Variants in VDR observed in about 807,000 individuals in gnomAD.
The protein encoded by VDR is vitamin D3 receptor.
VDR carries 19 observed loss-of-function variants against 39.7 expected under a neutral mutation model. The ratio of observed to expected loss-of-function variants is 0.48; its 90% CI spans 0.33 to 0.70. VDR has a LOEUF of 0.70. Among genes scored for constraint, VDR ranks in the 30% least tolerant of loss-of-function variants. VDR has a pLI of 0.02. For synonymous variants in VDR, 242 were observed against 215.8 expected, an observed-to-expected ratio of 1.12 and a Z score of -1.07; for missense variants, 442 against 570.5, an observed-to-expected ratio of 0.77 and a Z score of 2.29.
intron 1 of VDR, among the ~76,000 whole-genome samples, chr12:47,893,710 C>G (rs1411162990): frequency 6.6e-6 from 1 of 152,212 alleles, no homozygotes; most frequent in African/African-American, 2.4e-5. Flanking sequence ...CTACTCTGTT[C>G]TGGTCAACAA....
chr12:47,853,556 C>T (rs1028486254), intron 7 of VDR, among the ~76,000 whole-genome samples: 10 of 151,982 alleles, frequency 6.6e-5, no homozygotes, highest in Admixed American at 3.9e-4. Flanking sequence ...AGTTCAAGAC[C>T]AGCCTGGCCA....
intron 3 of VDR, among the ~76,000 whole-genome samples, chr12:47,875,749 C>A (rs1196756027): frequency 2.0e-5 from 3 of 152,228 alleles, no homozygotes; most frequent in South Asian, 2.1e-4. Context: ...GAGGTTTCTG[C>A]AAGCCTCTGG....
chr12:47,890,468 G>A (rs1379690787), intron 1 of VDR, among the ~76,000 whole-genome samples: 1 of 151,378 alleles, frequency 6.6e-6, no homozygotes, highest in African/African-American at 2.4e-5. Context: ...GGTCAGGGAG[G>A]AAACGGTTGT....
intron 1 of VDR, among the ~76,000 whole-genome samples, chr12:47,902,344 A>C (rs1237412189): frequency 6.6e-6 from 1 of 152,246 alleles, no homozygotes; most frequent in African/African-American, 2.4e-5. Context: ...CCAGAGTGGC[A>C]GCCAGGCTGG....
chr12:47,845,421 C>G (rs1945261621), intron 9 of VDR, among the ~76,000 whole-genome samples: 1 of 152,058 alleles, frequency 6.6e-6, no homozygotes, highest in Admixed American at 6.5e-5. Context: ...AAGGCCATTC[C>G]TGGCAACACT....
intron 3 of VDR, among the ~76,000 whole-genome samples, chr12:47,867,220 G>T (rs1945755747): frequency 6.6e-6 from 1 of 152,054 alleles, no homozygotes; most frequent in African/African-American, 2.4e-5. Flanking sequence ...CGGGCACGGT[G>T]GCACATGCCT....
intron 1 of VDR, among the ~76,000 whole-genome samples, chr12:47,883,974 G>A (rs780989334): frequency 9.9e-5 from 15 of 152,260 alleles, no homozygotes; most frequent in Admixed American, 2.0e-4. Flanking sequence ...TGGGCAGTGG[G>A]AGGTGTCTGC....
intron 1 of VDR, among the ~76,000 whole-genome samples, chr12:47,887,743 C>T (rs1266690354): frequency 1.3e-5 from 2 of 152,246 alleles, no homozygotes; most frequent in East Asian, 3.8e-4. Flanking sequence ...TGCCACTTGG[C>T]TCTTTCCAGA....
At chr12:47,904,205 T>C (rs1235999476) in intron 1 of VDR, among the ~76,000 whole-genome samples, 1 of 151,814 alleles carries the variant, frequency 6.6e-6, no homozygotes, top group Non-Finnish European at 1.5e-5. Context: ...CAGACTCTGG[T>C]CCCTGGGTGA....
chr12:47,859,865 CTTT>C (rs1945574779), intron 4 of VDR, among the ~76,000 whole-genome samples: 2 of 38,808 alleles, frequency 5.2e-5, no homozygotes, highest in Non-Finnish European at 1.0e-4. Context: ...TTCCTTCCTT[CTTT>C]CCTTCCTTCC....
intron 1 of VDR, among the ~76,000 whole-genome samples, chr12:47,889,384 C>G (rs912203526): frequency 1.3e-5 from 2 of 152,110 alleles, no homozygotes; most frequent in African/African-American, 2.4e-5. Flanking sequence ...CTGATGCAGA[C>G]TGCAGCAGGT....
At chr12:47,866,734 A>G (rs1945743888) in intron 3 of VDR, among the ~76,000 whole-genome samples, 1 of 152,232 alleles carries the variant, frequency 6.6e-6, no homozygotes, top group Admixed American at 6.5e-5. Flanking sequence ...TCAGGCCTGT[A>G]ATCCTAGCAC....
chr12:47,850,043 G>T (rs894591207), intron 7 of VDR, among the ~76,000 whole-genome samples: 1 of 152,060 alleles, frequency 6.6e-6, no homozygotes, highest in South Asian at 2.1e-4. Flanking sequence ...TAGATATGGG[G>T]TTTCACCATG....
At chr12:47,898,018 A>G (rs948614711) in intron 1 of VDR, among the ~76,000 whole-genome samples, 6 of 152,210 alleles carry the variant, frequency 3.9e-5, no homozygotes, top group African/African-American at 1.2e-4. Flanking sequence ...AATTGAGCAC[A>G]TAGTATGGGC....
intron 1 of VDR, chr12:47,901,492 G>T (rs1419040916): frequency 6.4e-6 from 1 of 155,852 alleles, no homozygotes; most frequent in African/African-American, 2.4e-5. Flanking sequence ...TTTGGGAACT[G>T]ACTCTGTCTC....
intron 1 of VDR, among the ~76,000 whole-genome samples, chr12:47,904,340 T>C (rs1946626174): frequency 6.6e-6 from 1 of 151,564 alleles, no homozygotes; most frequent in Non-Finnish European, 1.5e-5. Flanking sequence ...CAGAAACTAC[T>C]CCTTGAGCCC....
chr12:47,870,803 T>C (rs1565622118), intron 3 of VDR, among the ~76,000 whole-genome samples: 1 of 152,264 alleles, frequency 6.6e-6, no homozygotes, highest in South Asian at 2.1e-4. Context: ...CGAGAGCTCC[T>C]GATCTGAAAG....
At position 47,855,743 on chromosome 12, in the gene VDR, G is replaced by T. The variant is rs1380207149; in HGVS notation, c.642C>A (p.Asp214Glu). Residue 214 changes from aspartate (D) to glutamate (E), a missense_variant, in exon 7 of 10, where the codon GAC becomes GAA. Asp to Glu is a conservative substitution (Grantham distance 45). Transcript: ENST00000549336. Reference sequence around the variant, plus strand: ...GGGACAGCTCTAGGGTCACAGAAGGGTCATCTGAATCTTCTTCACTCAGAT... The same window carrying T: ...GGGACAGCTCTAGGGTCACAGAAGGTTCATCTGAATCTTCTTCACTCAGAT... ...NLDLSEEDSDDPSVTLELSQL... is the reference protein window; with the variant it reads ...NLDLSEEDSDEPSVTLELSQL... The T allele has an allele frequency of 6.8e-6, 11 of 1,614,184 alleles. No homozygotes were observed. In the East Asian group the frequency reaches 8.9e-5, roughly 13 times the overall value.
rs1945227533 is a variant in VDR, at chr12:47,844,241, G to A, written c.*505C>T. 4.7e-6 allele frequency: 1 copy of A among 210,848 alleles called. No homozygotes were observed. Among genetic ancestry groups the A allele is most frequent in the Admixed American group, 5.2e-5 (1 of 19,050 alleles). 13.1% of individuals were successfully genotyped at this position (210,848 alleles called of 1,614,324 possible). A position where few individuals can be genotyped will look rare whatever the true frequency, so the allele number is the denominator to read the frequency against. ...CCCGTGAGAATATAACCAGGGCAAT[G>A]GGATGTTGGTGGGCACTGAAGGGGG... On this transcript the variant is annotated 3_prime_UTR_variant, in exon 10 of 10. Coordinates refer to ENST00000549336, the MANE Select transcript of VDR (RefSeq NM_000376.3).
Sources: gnomAD v4.1 joint callset for allele counts (sites outside exome capture counted in the v4.1 genomes callset) on GRCh38, gnomAD v4.1.1 for gene constraint, MANE v1.5 for transcripts, NCBI Gene and HGNC (gene_info 2026-07-23, HGNC 2026-07-21) for gene names.